MREG: variants seen among roughly 807,000 people sequenced by gnomAD.
MREG encodes the protein melanoregulin.
In MREG, 31 loss-of-function variants were observed where a neutral mutation model predicts 28.5. The ratio of observed to expected loss-of-function variants is 1.09; its 90% confidence interval spans 0.82 to 1.47. The LOEUF (loss-of-function observed/expected upper bound fraction) is 1.47, where lower values mean the gene tolerates loss of function less well. Among genes scored for constraint, MREG ranks in the 40% most tolerant of loss-of-function variants. MREG has a pLI of 0.00. For synonymous variants in MREG, 106 were observed against 95.2 expected (o/e 1.11, Z -0.66); for missense variants, 256 against 257.4 (o/e 0.99, Z 0.04).
intron 1 of MREG, among the ~76,000 whole-genome samples, chr2:216,019,862 C>T (rs1191738308): frequency 6.6e-6 from 1 of 152,132 alleles, no homozygotes; most frequent in Non-Finnish European, 1.5e-5. Flanking sequence ...AAAATATATA[C>T]TCTAGAAAAC....
intron 1 of MREG, among the ~76,000 whole-genome samples, chr2:216,002,637 A>G (rs1378763627): frequency 6.6e-6 from 1 of 152,210 alleles, no homozygotes; most frequent in Non-Finnish European, 1.5e-5. Context: ...ATTTCCTGCT[A>G]GGAAGTCGCT....
At chr2:215,945,813 T>C in intron 3 of MREG, 79 bp from the exon 4 acceptor site, 1 of 1,253,824 alleles carries the variant, frequency 8.0e-7, no homozygotes, top group Non-Finnish European at 1.1e-6. Flanking sequence ...CTGCAGGAGA[T>C]TACGAACAGA....
At position 215,989,635 on chromosome 2, in the gene MREG, C is replaced by A. The variant is rs973609079; in HGVS notation, c.255+6671G>T. ...CATGTTCTAACCCAATGCAAGGAAG[C>A]TAAGAACCTTGAAAAAAGGTTAGAG... On this transcript the variant is annotated intron_variant, in intron 2 of 4. Transcript: ENST00000263268. Among the ~76,000 whole-genome samples, 5 of 152,002 alleles carry A rather than the reference C, an allele frequency of 3.3e-5. No homozygotes were observed. The South Asian group carries it at 1.0e-3, about 32-fold the overall frequency.
chr2:215,959,323 G>A (rs1350980278), intron 2 of MREG, among the ~76,000 whole-genome samples: 1 of 127,680 alleles, frequency 7.8e-6, no homozygotes, highest in Non-Finnish European at 1.7e-5. Context: ...ACATGTGGAT[G>A]AGCCCAATCA....
chr2:216,013,184 C>G, intron 1 of MREG, 49 bp downstream of exon 1: 1 of 1,516,582 alleles, frequency 6.6e-7, no homozygotes. Flanking sequence ...TCTCGGCGCC[C>G]GGCTACGGCC....
chr2:216,033,362 C>T (rs182507049), upstream of MREG, among the ~76,000 whole-genome samples: 54 of 152,166 alleles, frequency 3.5e-4, no homozygotes, highest in East Asian at 5.2e-3. Context: ...CAAATTCCTC[C>T]GCTGTCTCAA....
Position 215,943,387 on chromosome 2 carries a change from A to T in MREG, c.*1476T>A, listed in dbSNP as rs1241579298. 2.2e-6 allele frequency: 1 copy of T among 456,734 alleles called. No individual in the cohort carries two copies. Among genetic ancestry groups the T allele is most frequent in the Non-Finnish European group, 4.4e-6 (1 of 226,964 alleles). The allele number at this position is 456,734 out of a possible 1,614,324, so 28.3% of individuals were successfully genotyped here. On this transcript the variant is annotated 3_prime_UTR_variant, in exon 5 of 5. Transcript: ENST00000263268. The stretch of plus-strand genomic sequence containing the variant: ...TTATCTTCTGAAGAGAAGAAGGTCC[A>T]GCAAAGATCTTCAGTGCAATACTCC...
chr2:215,964,840 CAGATAGATAGATAGATAGAT>C (rs71935773), intron 2 of MREG, among the ~76,000 whole-genome samples: 45 of 149,744 alleles, frequency 3.0e-4, no homozygotes, highest in Middle Eastern at 3.5e-3. Context: ...GACAGACAGA[CAGATAGATAGATAGATAGAT>C]AGATAGATAG....
At chr2:215,973,287 C>A (rs781687614) in intron 2 of MREG, among the ~76,000 whole-genome samples, 2 of 152,212 alleles carry the variant, frequency 1.3e-5, no homozygotes, top group Admixed American at 6.5e-5. Flanking sequence ...AAAGAGATAA[C>A]GGCTCAAGAG....
chr2:215,994,745 G>A (rs574746997), intron 2 of MREG, among the ~76,000 whole-genome samples: 14 of 152,186 alleles, frequency 9.2e-5, no homozygotes, highest in African/African-American at 2.2e-4. Context: ...GGGCTTTGTC[G>A]TCCATGTTCC....
At chr2:216,023,189 C>T (rs1040186190) in intron 1 of MREG, among the ~76,000 whole-genome samples, 1 of 152,210 alleles carries the variant, frequency 6.6e-6, no homozygotes, top group Non-Finnish European at 1.5e-5. Flanking sequence ...CTTAGACTTC[C>T]CCACAAAGGT....
intron 1 of MREG, among the ~76,000 whole-genome samples, chr2:216,029,455 G>C (rs959173514): frequency 8.6e-6 from 1 of 116,882 alleles, no homozygotes; most frequent in South Asian, 2.8e-4. Context: ...TCCGCCTGGC[G>C]AGAGAGTGAG....
intron 2 of MREG, among the ~76,000 whole-genome samples, chr2:215,961,808 TC>T (rs546043200): frequency 5.6e-4 from 85 of 152,234 alleles, no homozygotes; most frequent in African/African-American, 1.9e-3. Context: ...AAGTTCACGA[TC>T]CCCCTAGGCC....
intron 2 of MREG, among the ~76,000 whole-genome samples, chr2:215,984,607 A>C (rs1209346030): frequency 6.6e-6 from 1 of 152,058 alleles, no homozygotes; most frequent in East Asian, 1.9e-4. Flanking sequence ...AGGAACTGCC[A>C]AACCATAGAA....
intron 2 of MREG, among the ~76,000 whole-genome samples, chr2:215,948,249 A>G (rs1469857812): frequency 6.6e-6 from 1 of 152,254 alleles, no homozygotes; most frequent in African/African-American, 2.4e-5. Context: ...CCACTTGGAA[A>G]AAGAAAAGCT....
rs375708280 is a variant in MREG at position 215,996,316 on chromosome 2, T to C, written c.245A>G (p.Lys82Arg). ...NLIVIRNQQA[K>R]DSEEWQKLNY... ...TCAAAAGGTGCTCACCTCTGAGTCT[T>C]TGGCCTGCTGATTACGAATGACTAT... The change falls in exon 2 of 5, where the codon AAA becomes AGA. Residue 82 changes from lysine (K) to arginine (R), a missense_variant. Coordinates refer to ENST00000263268, the MANE Select transcript of MREG (RefSeq NM_018000.3). 3.1e-6 allele frequency: 5 copies of C among 1,613,508 alleles called. No homozygotes were observed. In the African/African-American group the frequency reaches 6.7e-5, roughly 22 times the overall value.
chr2:215,946,522 C>T (rs1399128777), intron 3 of MREG, among the ~76,000 whole-genome samples: 1 of 152,132 alleles, frequency 6.6e-6, no homozygotes, highest in Non-Finnish European at 1.5e-5. Context: ...AAATCATTAT[C>T]ATTAACCATT....
intron 2 of MREG, among the ~76,000 whole-genome samples, chr2:215,973,527 A>G (rs776344626): frequency 2.0e-5 from 3 of 152,118 alleles, no homozygotes; most frequent in Non-Finnish European, 4.4e-5. Context: ...ACTCCCCCAA[A>G]TGTTAAGTGA....
chr2:216,001,915 G>T (rs1694022878), intron 1 of MREG, among the ~76,000 whole-genome samples: 1 of 152,152 alleles, frequency 6.6e-6, no homozygotes, highest in Admixed American at 6.5e-5. Context: ...AGACCACGAA[G>T]GGCTCTGGGG....
Sources: allele counts gnomAD v4.1 joint callset (sites outside exome capture counted in the v4.1 genomes callset), GRCh38; gene constraint gnomAD v4.1.1; transcripts MANE v1.5; gene names NCBI Gene and HGNC (gene_info 2026-07-23, HGNC 2026-07-21).